PDE2A: variants seen among roughly 807,000 people sequenced by gnomAD.
The protein encoded by PDE2A is cGMP-dependent 3',5'-cyclic phosphodiesterase.
Under a neutral mutation model 133.6 loss-of-function variants are expected in PDE2A, and 53 were observed. The observed-to-expected ratio is 0.40, with a 90% CI of 0.32 to 0.50. The LOEUF (loss-of-function observed/expected upper bound fraction) is 0.50, where lower values mean the gene tolerates loss of function less well. PDE2A is among the 20% of genes least tolerant of loss of function. The probability of loss-of-function intolerance (pLI) is 0.73; values close to 1 mark genes in which losing one functional copy is unlikely to be tolerated. For missense variants in PDE2A, 796 were observed against 1,232.4 expected (o/e 0.65, Z 5.30); for synonymous variants, 491 against 490.2 (o/e 1.00, Z -0.02).
rs1047487519 is a variant in PDE2A, at chr11:72,595,714, C to T, written c.489+879G>A. ...CCCTTTACTGGAATGGCAGCCCCCT[C>T]GACAGAAGCAGACCCCCAATAATAG... On this transcript the variant is annotated intron_variant, in intron 6 of 30. Transcript: ENST00000334456. 1.2e-4 allele frequency among the ~76,000 whole-genome samples: 18 copies of T among 152,272 alleles called. No homozygotes were observed. In the South Asian group the frequency reaches 2.3e-3, roughly 19 times the overall value.
intron 1 of PDE2A, among the ~76,000 whole-genome samples, chr11:72,654,834 C>T (rs1404861136): frequency 6.6e-6 from 1 of 152,190 alleles, no homozygotes; most frequent in African/African-American, 2.4e-5. Context: ...TCTCCAAAGG[C>T]TCTGAGGTGG....
intron 2 of PDE2A, among the ~76,000 whole-genome samples, chr11:72,629,980 G>A (rs1453142657): frequency 6.6e-6 from 1 of 151,814 alleles, no homozygotes; most frequent in Non-Finnish European, 1.5e-5. Context: ...TCTGGCTGTG[G>A]GTCCAGTTCT....
At chr11:72,616,868 C>T (rs770824797) in intron 2 of PDE2A, among the ~76,000 whole-genome samples, 4 of 152,196 alleles carry the variant, frequency 2.6e-5, no homozygotes, top group Non-Finnish European at 5.9e-5. Flanking sequence ...AGCCTTCCTG[C>T]GTGGTCACCT....
At chr11:72,611,010 G>A (rs567033626) in intron 2 of PDE2A, among the ~76,000 whole-genome samples, 7 of 152,306 alleles carry the variant, frequency 4.6e-5, no homozygotes, top group East Asian at 1.9e-4. Flanking sequence ...CCAGATGCAC[G>A]CTCCCCAGAC....
At chr11:72,660,997 T>C (rs901973568) in intron 1 of PDE2A, among the ~76,000 whole-genome samples, 2 of 152,028 alleles carry the variant, frequency 1.3e-5, no homozygotes, top group Non-Finnish European at 2.9e-5. Context: ...GGCTGTGTCC[T>C]CTCTGTGGGT....
chr11:72,627,533 C>T (rs929189223), intron 2 of PDE2A, among the ~76,000 whole-genome samples: 1 of 152,200 alleles, frequency 6.6e-6, no homozygotes, highest in Admixed American at 6.5e-5. Flanking sequence ...GGGGGAGCTG[C>T]TGTGTGCTGG....
At chr11:72,657,188 C>T (rs1380552363) in intron 1 of PDE2A, among the ~76,000 whole-genome samples, 2 of 152,158 alleles carry the variant, frequency 1.3e-5, no homozygotes, top group African/African-American at 4.8e-5. Flanking sequence ...CACACCTTCC[C>T]TGAGGCCTAG....
chr11:72,655,097 A>G (rs1366690364), intron 1 of PDE2A, among the ~76,000 whole-genome samples: 1 of 152,152 alleles, frequency 6.6e-6, no homozygotes, highest in African/African-American at 2.4e-5. Context: ...AGGCAGGAGC[A>G]GGGGAAGGGA....
At chr11:72,584,432 C>G (rs1316701480) in intron 18 of PDE2A, 119 bp from the exon 19 acceptor site, 3 of 1,322,780 alleles carry the variant, frequency 2.3e-6, no homozygotes, top group Non-Finnish European at 3.2e-6. Flanking sequence ...AGGCATGGAA[C>G]CCGACTCCCT....
chr11:72,588,696 A>G, intron 13 of PDE2A, 88 bp downstream of exon 13: 1 of 1,336,036 alleles, frequency 7.5e-7, no homozygotes, highest in Non-Finnish European at 1.0e-6. Context: ...GCCCCTGCCC[A>G]GTACCCATCC....
chr11:72,579,316 C>T lies in PDE2A; in HGVS notation c.2324G>A (p.Arg775His), dbSNP rs771749226. 5.0e-6 allele frequency: 8 copies of T among 1,613,522 alleles called. No homozygotes were observed. The highest frequency in any genetic ancestry group is 4.0e-5 in the African/African-American group (3 of 74,916). Residue 775 changes from arginine (R) to histidine (H), a missense_variant, in exon 27 of 31, where the codon CGC (arginine) becomes CAC (histidine). By Grantham distance (29) the Arg-to-His change is conservative (BLOSUM62 0). Transcript: ENST00000334456. ...CATCTTCTGGAGGTCCTTGAAGATG[C>T]GGAGATGGTGGGCCAGGTCTGTGGC... ...ILATDLAHHL[R>H]IFKDLQKMAE... is the part of the protein sequence containing the mutation.
chr11:72,608,598 G>A, intron 3 of PDE2A, 64 bp downstream of exon 3: 1 of 831,420 alleles, frequency 1.2e-6, no homozygotes, highest in Non-Finnish European at 2.0e-6. Context: ...GTGAGGTACA[G>A]CATAGAGCTG....
intron 13 of PDE2A, among the ~76,000 whole-genome samples, chr11:72,587,410 C>T (rs916440388): frequency 6.6e-6 from 1 of 152,240 alleles, no homozygotes; most frequent in African/African-American, 2.4e-5. Flanking sequence ...CTCATGCAGT[C>T]ATTCAACACT....
At chr11:72,581,541 G>T (rs971328852) in intron 22 of PDE2A, 62 bp from the exon 23 acceptor site, 3 of 1,521,436 alleles carry the variant, frequency 2.0e-6, no homozygotes, top group Non-Finnish European at 8.9e-7. Flanking sequence ...ACGGCCCCAT[G>T]ATGGCAAACT....
chr11:72,652,423 C>G, intron 1 of PDE2A: 1 of 445,952 alleles, frequency 2.2e-6, no homozygotes, highest in South Asian at 1.6e-5. Flanking sequence ...GGCCTGGCTG[C>G]TTCTGGCAGA....
chr11:72,664,266 C>G (rs905865966), intron 1 of PDE2A, among the ~76,000 whole-genome samples: 3 of 152,228 alleles, frequency 2.0e-5, no homozygotes, highest in South Asian at 2.1e-4. Flanking sequence ...TAAGCCTTCC[C>G]CATCTCCATA....
chr11:72,656,847 A>C (rs561222971), intron 1 of PDE2A, among the ~76,000 whole-genome samples: 71 of 152,074 alleles, frequency 4.7e-4, no homozygotes, highest in African/African-American at 1.6e-3. Context: ...CTGTTTCCCC[A>C]TCTCTAAAAT....
At chr11:72,580,504 G>A in intron 25 of PDE2A, 73 bp downstream of exon 25, 1 of 1,100,440 alleles carries the variant, frequency 9.1e-7, no homozygotes. Flanking sequence ...GGAATAGGAG[G>A]AGCTGGGTCA....
In PDE2A at chr11:72,588,389, A is replaced by C. The variant is rs923595529; in HGVS notation, c.1070+395T>G. ...AGCTGCCCTGTCAGGGGCTCAAAAG[A>C]TCCACAGCTTTTCCCAGTCCCCAAG... On this transcript the variant is annotated intron_variant, in intron 13 of 30. Transcript: ENST00000334456. 2.8e-4 allele frequency among the ~76,000 whole-genome samples: 27 copies of C among 95,720 alleles called. No individual in the cohort carries two copies. The East Asian group carries it at 0.018, about 63-fold the overall frequency. 62.8% of individuals were successfully genotyped at this position (95,720 alleles called of 152,430 possible). A position where few individuals can be genotyped will look rare whatever the true frequency, so the allele number is the denominator to read the frequency against.
Sources: gnomAD v4.1 joint callset for allele counts (sites outside exome capture counted in the v4.1 genomes callset) on GRCh38, gnomAD v4.1.1 for gene constraint, MANE v1.5 for transcripts, NCBI Gene and HGNC (gene_info 2026-07-23, HGNC 2026-07-21) for gene names.